Variants in NRF1 observed in about 807,000 individuals in gnomAD.
NRF1 encodes the protein alpha palindromic-binding protein.
A neutral mutation model predicts 58.5 loss-of-function variants in NRF1; 5 were observed. The observed-to-expected ratio is 0.09, with a 90% confidence interval of 0.04 to 0.18. NRF1 has a LOEUF of 0.18. Ranked by LOEUF, NRF1 falls within the 10% of genes least tolerant of loss-of-function variation. The pLI is 1.00. For missense variants in NRF1, 288 were observed against 657.7 expected, an observed-to-expected ratio of 0.44 and a Z score of 6.15; for synonymous variants, 224 against 246.7, an observed-to-expected ratio of 0.91 and a Z score of 0.86.
At chr7:129,711,780 G>T (rs1451007271) in intron 8 of NRF1, among the ~76,000 whole-genome samples, 1 of 152,164 alleles carries the variant, frequency 6.6e-6, no homozygotes, top group Admixed American at 6.5e-5. Context: ...GGATTAGTAT[G>T]TCAGGAACTT....
chr7:129,631,204 T>G (rs1000044458), intron 1 of NRF1, among the ~76,000 whole-genome samples: 1 of 151,012 alleles, frequency 6.6e-6, no homozygotes, highest in Non-Finnish European at 1.5e-5. Flanking sequence ...CATCCTTGAA[T>G]ATTTCTGAAT....
chr7:129,672,290 C>T (rs1802065945), intron 3 of NRF1, among the ~76,000 whole-genome samples: 3 of 150,226 alleles, frequency 2.0e-5, no homozygotes, highest in Admixed American at 1.3e-4. Context: ...CCTCGTGCCT[C>T]AGCCCCCAAA....
At chr7:129,654,848 C>T (rs1028845799) in intron 1 of NRF1, among the ~76,000 whole-genome samples, 4 of 152,184 alleles carry the variant, frequency 2.6e-5, no homozygotes, top group Admixed American at 6.6e-5. Context: ...ACCATACTAT[C>T]TTGATTACTG....
intron 4 of NRF1, among the ~76,000 whole-genome samples, chr7:129,686,065 G>C (rs1460730891): frequency 7.0e-6 from 1 of 142,822 alleles, no homozygotes; most frequent in African/African-American, 2.7e-5. Flanking sequence ...TCACACCACT[G>C]CACTCCAGCC....
chr7:129,746,021 CAA>C (rs2116310923), intron 10 of NRF1, among the ~76,000 whole-genome samples: 1 of 152,256 alleles, frequency 6.6e-6, no homozygotes, highest in Non-Finnish European at 1.5e-5. Context: ...GATGGTCCAG[CAA>C]GAGAGAAGAA....
intron 10 of NRF1, among the ~76,000 whole-genome samples, chr7:129,745,200 A>T (rs1353643777): frequency 6.6e-6 from 1 of 152,074 alleles, no homozygotes; most frequent in Non-Finnish European, 1.5e-5. Context: ...GCATATTGCC[A>T]TGATCTATCC....
intron 5 of NRF1, among the ~76,000 whole-genome samples, chr7:129,703,457 C>T (rs776408478): frequency 9.2e-5 from 14 of 152,148 alleles, no homozygotes; most frequent in African/African-American, 1.4e-4. Context: ...AGCACAGTTC[C>T]GAATTCTGGA....
intron 5 of NRF1, among the ~76,000 whole-genome samples, chr7:129,697,054 T>C (rs908434294): frequency 3.3e-5 from 5 of 152,180 alleles, no homozygotes. Context: ...TACTAATTAT[T>C]AATGTTAATT....
At chr7:129,664,178 G>A (rs1204228978) in intron 2 of NRF1, among the ~76,000 whole-genome samples, 3 of 152,056 alleles carry the variant, frequency 2.0e-5, no homozygotes, top group Non-Finnish European at 4.4e-5. Flanking sequence ...GGGAGAGGGA[G>A]AGGGAGAGGG....
chr7:129,716,012 C>A (rs7780601), intron 8 of NRF1, among the ~76,000 whole-genome samples: 72,241 of 146,060 alleles, frequency 0.49, 17,798 homozygotes, highest in East Asian at 0.77. Context: ...TCTCCAACAA[C>A]AAAAAAAAAA....
intron 8 of NRF1, among the ~76,000 whole-genome samples, chr7:129,715,211 T>C (rs1649261708): frequency 1.3e-5 from 2 of 152,212 alleles, no homozygotes; most frequent in South Asian, 4.1e-4. Context: ...TGGCAATACC[T>C]GGAGACATTT....
intron 1 of NRF1, among the ~76,000 whole-genome samples, chr7:129,656,993 T>A (rs1484894047): frequency 1.3e-5 from 2 of 152,226 alleles, no homozygotes; most frequent in African/African-American, 4.8e-5. Flanking sequence ...TTACTAAGTG[T>A]TCTTATGTTC....
intron 1 of NRF1, among the ~76,000 whole-genome samples, chr7:129,627,560 T>C (rs1800947399): frequency 6.6e-6 from 1 of 152,136 alleles, no homozygotes; most frequent in African/African-American, 2.4e-5. Context: ...TCAAGACCTT[T>C]GTAGGACTCC....
chr7:129,712,824 T>C (rs1290169556), intron 8 of NRF1, among the ~76,000 whole-genome samples: 1 of 152,118 alleles, frequency 6.6e-6, no homozygotes, highest in South Asian at 2.1e-4. Flanking sequence ...ATAAACATCA[T>C]TAAAGGATAT....
intron 10 of NRF1, among the ~76,000 whole-genome samples, chr7:129,740,531 T>C (rs940764882): frequency 6.6e-6 from 1 of 152,182 alleles, no homozygotes; most frequent in Non-Finnish European, 1.5e-5. Context: ...CATACTGAGA[T>C]TCTCTTCTCT....
At chr7:129,747,600 C>T (rs1319743052) in intron 10 of NRF1, among the ~76,000 whole-genome samples, 2 of 152,136 alleles carry the variant, frequency 1.3e-5, no homozygotes, top group African/African-American at 4.8e-5. Context: ...AATGTGTCAT[C>T]CCATCTATCT....
intron 1 of NRF1, among the ~76,000 whole-genome samples, chr7:129,654,042 C>T (rs766544996): frequency 6.6e-6 from 1 of 152,178 alleles, no homozygotes; most frequent in Non-Finnish European, 1.5e-5. Flanking sequence ...TTATAACAGA[C>T]TGCCACACTG....
At chr7:129,674,866 G>A (rs1802139976) in intron 3 of NRF1, among the ~76,000 whole-genome samples, 1 of 152,176 alleles carries the variant, frequency 6.6e-6, no homozygotes, top group Non-Finnish European at 1.5e-5. Flanking sequence ...GTTGCTGAAG[G>A]TTGGGGTGGC....
intron 10 of NRF1, among the ~76,000 whole-genome samples, chr7:129,744,952 T>C (rs912035920): frequency 1.3e-5 from 2 of 151,734 alleles, no homozygotes; most frequent in African/African-American, 4.8e-5. Flanking sequence ...TTCATTGTAC[T>C]CCTCCCTCTC....
Sources: allele counts gnomAD v4.1 joint callset (sites outside exome capture counted in the v4.1 genomes callset), GRCh38; gene constraint gnomAD v4.1.1; transcripts MANE v1.5; gene names NCBI Gene and HGNC (gene_info 2026-07-23, HGNC 2026-07-21).